SEC61A2: variants seen among roughly 807,000 people sequenced by gnomAD.
The protein encoded by SEC61A2 is protein transport protein Sec61 subunit alpha isoform 2.
Under a neutral mutation model 59.9 loss-of-function variants are expected in SEC61A2, and 28 were observed. That is an observed-to-expected ratio of 0.47 (90% CI 0.35 to 0.64). SEC61A2 has a LOEUF of 0.64. SEC61A2 is among the 30% of genes least tolerant of loss of function. The pLI is 0.01. For missense variants in SEC61A2, 340 were observed against 585.9 expected, an observed-to-expected ratio of 0.58 and a Z score of 4.33; for synonymous variants, 202 against 214.4, an observed-to-expected ratio of 0.94 and a Z score of 0.50.
chr10:12,162,195 T>A lies in SEC61A2; in HGVS notation c.1168-18T>A. On this transcript the variant is annotated intron_variant, in intron 10 of 11. Coordinates refer to ENST00000298428, the MANE Select transcript of SEC61A2 (RefSeq NM_018144.4). The surrounding 1 kb of genome is among the most constrained non-coding windows in gnomAD (Gnocchi z 6.1). The stretch of plus-strand genomic sequence containing the variant: ...AAATGTTCCAGTTGGATTTTGAAAG[T>A]CGTTTTTCTCTCGGCAGGTAGCTAA... 6.2e-7 allele frequency: 1 copy of A among 1,610,904 alleles called. No individual in the cohort carries two copies. Among genetic ancestry groups the A allele is most frequent in the Middle Eastern group, 1.7e-4 (1 of 6,050 alleles).
At chr10:12,139,925 C>T (rs182437419) in intron 3 of SEC61A2, among the ~76,000 whole-genome samples, 7 of 146,976 alleles carry the variant, frequency 4.8e-5, no homozygotes, top group Admixed American at 2.7e-4. Context: ...GCCGAGATCC[C>T]GCCACTGCAC....
intron 3 of SEC61A2, among the ~76,000 whole-genome samples, chr10:12,141,945 A>G (rs1329326313): frequency 6.6e-6 from 1 of 152,148 alleles, no homozygotes; most frequent in African/African-American, 2.4e-5. Context: ...GTAGAGGGTG[A>G]TTTTACAGAC....
chr10:12,167,856 G>A (rs1404117269), downstream of SEC61A2: 1 of 1,608,348 alleles, frequency 6.2e-7, no homozygotes. Flanking sequence ...CGTTAAGGAA[G>A]GACAAAACAT....
At chr10:12,151,022 G>A (rs773935406) in intron 6 of SEC61A2, among the ~76,000 whole-genome samples, 9 of 151,600 alleles carry the variant, frequency 5.9e-5, no homozygotes, top group Admixed American at 5.2e-4. Flanking sequence ...TGATTCGCCC[G>A]CCTCGGCCTC....
intron 3 of SEC61A2, among the ~76,000 whole-genome samples, chr10:12,141,361 T>C (rs779562651): frequency 2.0e-5 from 3 of 152,244 alleles, no homozygotes; most frequent in Non-Finnish European, 2.9e-5. Flanking sequence ...CCAGCATCTT[T>C]TGTAACTTTC....
rs758379727 is a variant in SEC61A2, at chr10:12,164,241, C to T, written c.1245-27C>T. 19 of 1,610,620 alleles carry T rather than the reference C, an allele frequency of 1.2e-5. No individual in the cohort carries two copies. Among genetic ancestry groups the T allele is most frequent in the South Asian group, 4.4e-5 (4 of 90,672 alleles). ...CCGTGCTGTTCCTGGTCTCTGCTGC[C>T]GCCTAACTTGGGGTTCTGTCTCCTA... On this transcript the variant is annotated intron_variant, in intron 11 of 11. Transcript: ENST00000298428. The surrounding 1 kb of genome is among the most constrained non-coding windows in gnomAD (Gnocchi z 7.3).
At position 12,142,653 on chromosome 10, in the gene SEC61A2, G is replaced by A. The variant is rs1403554266; in HGVS notation, c.142-464G>A. ...TATGCCATCTTCATCATTTTTAGAT[G>A]TGCAGTTTAGTAACATTAGGAATGT... On this transcript the variant is annotated intron_variant, in intron 3 of 11. Coordinates refer to ENST00000298428, the MANE Select transcript of SEC61A2 (RefSeq NM_018144.4). This position sits in a 1 kb window ranked among gnomAD's most constrained non-coding sequence, Gnocchi z 5.4. 3.6e-6 allele frequency: 1 copy of A among 275,498 alleles called. No homozygotes were observed. The highest frequency in any genetic ancestry group is 2.3e-5 in the African/African-American group (1 of 43,610). The allele number at this position is 275,498 out of a possible 1,614,324, so 17.1% of individuals were successfully genotyped here. A position where few individuals can be genotyped will look rare whatever the true frequency, so the allele number is the denominator to read the frequency against.
At chr10:12,169,795 AC>A (rs1289765975), downstream of SEC61A2, 11 of 279,658 alleles carry the variant, frequency 3.9e-5, no homozygotes, top group African/African-American at 2.2e-4. The surrounding 1 kb of genome is among the most constrained non-coding windows in gnomAD (Gnocchi z 4.8). Flanking sequence ...ATTCACTGAA[AC>A]CGTAAGCTGC....
chr10:12,157,524 G>GA (rs1312223849), intron 8 of SEC61A2, among the ~76,000 whole-genome samples: 2 of 103,310 alleles, frequency 1.9e-5, no homozygotes, highest in Non-Finnish European at 3.9e-5. Flanking sequence ...TTTTTTTTGA[G>GA]ATGGAGTCTT....
At chr10:12,138,034 T>TAC (rs762536867) in intron 3 of SEC61A2, among the ~76,000 whole-genome samples, 5 of 151,892 alleles carry the variant, frequency 3.3e-5, no homozygotes, top group Non-Finnish European at 7.4e-5. Context: ...GATACATACA[T>TAC]ACATACATAC....
Position 12,165,085 on chromosome 10 carries a change from C to G in SEC61A2, c.*631C>G. 1.0e-6 allele frequency: 1 copy of G among 986,992 alleles called. No individual in the cohort carries two copies. Among genetic ancestry groups the G allele is most frequent in the Non-Finnish European group, 1.2e-6 (1 of 830,522 alleles). The allele number at this position is 986,992 out of a possible 1,614,324, so 61.1% of individuals were successfully genotyped here. ...CTTCCTCTTCCTCCTTTTCCTTCTC[C>G]TCCTCCTCTCTTCCCAGTGACAGCA... On this transcript the variant is annotated 3_prime_UTR_variant, in exon 12 of 12. Transcript: ENST00000298428.
chr10:12,141,794 T>C (rs914121422), intron 3 of SEC61A2, among the ~76,000 whole-genome samples: 2 of 152,194 alleles, frequency 1.3e-5, no homozygotes, highest in African/African-American at 2.4e-5. Flanking sequence ...CTGTCCTGTG[T>C]ATTTCAGGAT....
At chr10:12,133,084 A>G (rs1833799830) in intron 1 of SEC61A2, among the ~76,000 whole-genome samples, 157 bp from the exon 2 acceptor site, 1 of 152,226 alleles carries the variant, frequency 6.6e-6, no homozygotes, top group African/African-American at 2.4e-5. Context: ...TCCTTTACAT[A>G]TCATTTGAAA....
chr10:12,157,851 T>C lies in SEC61A2; in HGVS notation c.778-57T>C, dbSNP rs2131677749. 3 of 1,505,104 alleles carry C rather than the reference T, an allele frequency of 2.0e-6. No individual in the cohort carries two copies. The South Asian group carries it at 3.4e-5, about 17-fold the overall frequency. The allele number at this position is 1,505,104 out of a possible 1,614,324, so 93.2% of individuals were successfully genotyped here. ...TGTTCTTTGTTTTCCCTCTCTGGTC[T>C]CTGTTCTTTTCTTAATGTGTCTGGC... On this transcript the variant is annotated intron_variant, in intron 8 of 11. Coordinates refer to ENST00000298428, the MANE Select transcript of SEC61A2 (RefSeq NM_018144.4).
intron 9 of SEC61A2, among the ~76,000 whole-genome samples, chr10:12,159,915 T>A (rs1445824810): frequency 1.3e-5 from 2 of 152,342 alleles, no homozygotes; most frequent in Non-Finnish European, 1.5e-5. Context: ...AAGGTTTTTT[T>A]AAGATAATAA....
chr10:12,144,852 C>T (rs1834102663), intron 4 of SEC61A2, among the ~76,000 whole-genome samples: 1 of 152,026 alleles, frequency 6.6e-6, no homozygotes, highest in South Asian at 2.1e-4. Context: ...GGAGTCCAGA[C>T]CAGCCTAGGC....
In SEC61A2 at chr10:12,158,158, A is replaced by C. The variant is rs1043006522; in HGVS notation, c.975+53A>C. The C allele has an allele frequency of 7.1e-7, 1 of 1,416,804 alleles. No individual in the cohort carries two copies. The highest frequency in any genetic ancestry group is 9.8e-7 in the Non-Finnish European group (1 of 1,022,378). The allele number at this position is 1,416,804 out of a possible 1,614,324, so 87.8% of individuals were successfully genotyped here. ...TATAGTTTATTATAATTTGCATTTCATGGTTGTATTTTTAATGGAATGAGG... is the reference window on the plus strand; with the variant it reads ...TATAGTTTATTATAATTTGCATTTCCTGGTTGTATTTTTAATGGAATGAGG... On this transcript the variant is annotated intron_variant, in intron 9 of 11. Transcript: ENST00000298428. The surrounding 1 kb of genome is among the most constrained non-coding windows in gnomAD (Gnocchi z 5.7).
chr10:12,163,707 TTTTA>T (rs1310682738), intron 11 of SEC61A2, among the ~76,000 whole-genome samples: 1 of 152,102 alleles, frequency 6.6e-6, no homozygotes. Context: ...TCCTTAAACT[TTTTA>T]TTTATTTAGA....
intron 6 of SEC61A2, among the ~76,000 whole-genome samples, chr10:12,150,492 T>C (rs550861418): frequency 4.0e-4 from 61 of 152,352 alleles, no homozygotes; most frequent in Non-Finnish European, 8.1e-4. Flanking sequence ...AATGAAAGTT[T>C]ATGTATAGAA....
Sources: allele counts gnomAD v4.1 joint callset (sites outside exome capture counted in the v4.1 genomes callset), GRCh38; gene constraint gnomAD v4.1.1; non-coding constraint Gnocchi (gnomAD v3.1); transcripts MANE v1.5; gene names NCBI Gene and HGNC (gene_info 2026-07-23, HGNC 2026-07-21).